REPS2: variants seen among roughly 807,000 people sequenced by gnomAD.
REPS2 encodes RALBP1 associated Eps domain containing 2, also known as ralBP1-associated Eps domain-containing protein 2.
In REPS2, 23 loss-of-function variants were observed where a neutral mutation model predicts 53.6. That is an observed-to-expected ratio of 0.43 (90% confidence interval 0.31 to 0.61). The LOEUF (loss-of-function observed/expected upper bound fraction) is 0.61, where lower values mean the gene tolerates loss of function less well. Among genes scored for constraint, REPS2 ranks in the 20% least tolerant of loss-of-function variants. The pLI is 0.11. For synonymous variants in REPS2, 238 were observed against 218.6 expected, an observed-to-expected ratio of 1.09 and a Z score of -0.78; for missense variants, 446 against 534.9, an observed-to-expected ratio of 0.83 and a Z score of 1.64.
At chrX:17,194,291 A>C in the REPS2 span, among the ~76,000 whole-genome samples, 2 of 111,520 alleles carry the variant, frequency 1.8e-5, no homozygotes, top group Non-Finnish European at 3.8e-5. Context: ...TAGGTTCTCA[A>C]TATATATTAC....
chrX:16,965,825 G>A (rs2060755834), intron 1 of REPS2, among the ~76,000 whole-genome samples: 2 of 112,844 alleles, frequency 1.8e-5, no homozygotes, highest in Non-Finnish European at 3.8e-5. Flanking sequence ...GCACCATTGA[G>A]CACTGAGTGA....
At position 17,034,323 on chromosome X, in the gene REPS2, T is replaced by C. The variant is rs2061741756; in HGVS notation, c.771+4700T>C. Among the ~76,000 whole-genome samples, 3 of 111,194 alleles carry C rather than the reference T, an allele frequency of 2.7e-5. 1 individual carries two copies. In the South Asian group the frequency reaches 1.1e-3, roughly 42 times the overall value. ...TATTTATTTATTTTTTTAGACGGAG[T>C]TTTGCTCTTGTTGCCCAGGCTGGAG... is the stretch of plus-strand genomic sequence containing the variant. On this transcript the variant is annotated intron_variant, in intron 5 of 17. Coordinates refer to ENST00000357277, the MANE Select transcript of REPS2 (RefSeq NM_004726.3).
intron 6 of REPS2, among the ~76,000 whole-genome samples, chrX:17,049,412 T>TG (rs1324297251): frequency 9.0e-6 from 1 of 111,615 alleles, no homozygotes; most frequent in Non-Finnish European, 1.9e-5. Context: ...GTCCTGACCT[T>TG]GTGAAGGTCT....
At chrX:17,173,200 T>C in the REPS2 span, among the ~76,000 whole-genome samples, 2 of 112,384 alleles carry the variant, frequency 1.8e-5, no homozygotes, top group East Asian at 5.5e-4. Context: ...AGCTTGATTC[T>C]CTGCTCAGAG....
chrX:16,998,457 T>C (rs1051451054), intron 1 of REPS2, among the ~76,000 whole-genome samples: 1 of 112,176 alleles, frequency 8.9e-6, no homozygotes, highest in South Asian at 3.7e-4. Context: ...GAAGAAATGA[T>C]ACCTACTATA....
At chrX:17,073,690 C>G (rs2062340470) in intron 11 of REPS2, among the ~76,000 whole-genome samples, 1 of 105,993 alleles carries the variant, frequency 9.4e-6, no homozygotes, top group Non-Finnish European at 1.9e-5. Context: ...TTTTTTAAAA[C>G]GTGTAGTTAG....
chrX:17,039,968 C>T (rs1411213759), intron 5 of REPS2, among the ~76,000 whole-genome samples: 2 of 112,702 alleles, frequency 1.8e-5, no homozygotes, highest in Non-Finnish European at 3.7e-5. Flanking sequence ...TAATAAGCAG[C>T]AACTGTGTGT....
intron 2 of REPS2, among the ~76,000 whole-genome samples, chrX:17,015,556 C>T (rs1489411290): frequency 1.2e-3 from 128 of 109,667 alleles, no homozygotes; most frequent in Middle Eastern, 4.7e-3. Flanking sequence ...CACTATCCCT[C>T]CCCCCTTCCC....
At chrX:17,094,417 G>T (rs1453664365) in intron 13 of REPS2, among the ~76,000 whole-genome samples, 1 of 111,942 alleles carries the variant, frequency 8.9e-6, no homozygotes, top group Non-Finnish European at 1.9e-5. Flanking sequence ...GAAATATCAT[G>T]ATATACCTTG....
At chrX:17,116,984 A>G (rs1006011582) in intron 14 of REPS2, among the ~76,000 whole-genome samples, 8 of 112,111 alleles carry the variant, frequency 7.1e-5, no homozygotes, top group Non-Finnish European at 7.5e-5. Context: ...TATTCCTGGC[A>G]TCCATGGCCT....
At chrX:17,087,939 TAGA>T (rs1372306169) in intron 13 of REPS2, among the ~76,000 whole-genome samples, 1 of 60,009 alleles carries the variant, frequency 1.7e-5, no homozygotes, top group East Asian at 1.1e-3. Context: ...GATAGATAGA[TAGA>T]TAGATAGATA....
chrX:16,977,687 G>T lies in REPS2; in HGVS notation c.274-28534G>T, dbSNP rs6632939. On this transcript the variant is annotated intron_variant, in intron 1 of 17. Transcript: ENST00000357277. Reference sequence around the variant, plus strand: ...ACCATGATCACACCACTGCACTCCAGCTTGGGCAACAGAGCAAGACCCTGT... The same window carrying T: ...ACCATGATCACACCACTGCACTCCATCTTGGGCAACAGAGCAAGACCCTGT... 7.8e-3 allele frequency among the ~76,000 whole-genome samples: 768 copies of T among 98,210 alleles called. 23 individuals are homozygous for T. In the East Asian group the frequency reaches 0.13, roughly 16 times the overall value. The allele number at this position is 98,210 out of a possible 115,157, so 85.3% of individuals were successfully genotyped here.
intron 1 of REPS2, among the ~76,000 whole-genome samples, chrX:16,997,671 A>G (rs2061248682): frequency 8.9e-6 from 1 of 112,720 alleles, no homozygotes; most frequent in Admixed American, 9.4e-5. Flanking sequence ...ATTTAGGTGC[A>G]TAATAAAAAC....
chrX:16,996,534 G>A (rs759540779), intron 1 of REPS2, among the ~76,000 whole-genome samples: 2 of 112,163 alleles, frequency 1.8e-5, no homozygotes, highest in Admixed American at 9.4e-5. Flanking sequence ...TCAGAGAGGC[G>A]AGAGGTGCAT....
chrX:17,041,047 TA>T (rs1406433491), intron 5 of REPS2, among the ~76,000 whole-genome samples: 2 of 111,748 alleles, frequency 1.8e-5, no homozygotes, highest in Non-Finnish European at 3.8e-5. Context: ...TATTTCTCAC[TA>T]ATATAATAGT....
intron 1 of REPS2, among the ~76,000 whole-genome samples, chrX:16,983,925 C>A (rs1388687338): frequency 8.9e-6 from 1 of 112,819 alleles, no homozygotes; most frequent in Non-Finnish European, 1.9e-5. Flanking sequence ...CCAGAACCCT[C>A]TTCTTTCCAC....
chrX:16,955,421 A>G (rs1488912704), intron 1 of REPS2, among the ~76,000 whole-genome samples: 1 of 111,654 alleles, frequency 9.0e-6, no homozygotes, highest in African/African-American at 3.3e-5. Context: ...GCACACAGTT[A>G]TTATCTCCCA....
intron 8 of REPS2, among the ~76,000 whole-genome samples, chrX:17,057,198 A>T (rs2062083170): frequency 8.9e-6 from 1 of 112,441 alleles, no homozygotes; most frequent in African/African-American, 3.2e-5. Context: ...GTAGAGTATG[A>T]ATTTTGTGAT....
chrX:17,051,563 A>C (rs1029434338), intron 6 of REPS2, among the ~76,000 whole-genome samples: 8 of 112,346 alleles, frequency 7.1e-5, no homozygotes, highest in African/African-American at 2.6e-4. Context: ...ATATCAGTAC[A>C]TCCCATTTTA....
Sources: gnomAD v4.1 joint callset for allele counts (sites outside exome capture counted in the v4.1 genomes callset) on GRCh38, gnomAD v4.1.1 for gene constraint, MANE v1.5 for transcripts, NCBI Gene and HGNC (gene_info 2026-07-23, HGNC 2026-07-21) for gene names.